ECE1: variants seen among roughly 807,000 people sequenced by gnomAD.
ECE1 encodes the protein endothelin-converting enzyme 1.
Under a neutral mutation model 98.6 loss-of-function variants are expected in ECE1, and 35 were observed. The ratio of observed to expected loss-of-function variants is 0.35; its 90% CI spans 0.27 to 0.47. The LOEUF is 0.47. Among genes scored for constraint, ECE1 ranks in the 20% least tolerant of loss-of-function variants. The probability of loss-of-function intolerance (pLI) is 1.00; values close to 1 mark genes in which losing one functional copy is unlikely to be tolerated. For missense variants in ECE1, 814 were observed against 1,025.3 expected (o/e 0.79, Z 2.81); for synonymous variants, 394 against 407.1 (o/e 0.97, Z 0.39).
At chr1:21,278,758 G>A (rs925352863) in intron 3 of ECE1, among the ~76,000 whole-genome samples, 3 of 152,188 alleles carry the variant, frequency 2.0e-5, no homozygotes, top group African/African-American at 7.2e-5. Flanking sequence ...AGCAGACAAT[G>A]TCAGCCTATG....
In ECE1 at chr1:21,235,064, T is replaced by C. The variant is rs1034024641; in HGVS notation, c.1566+786A>G. Among the ~76,000 whole-genome samples, 1 of 152,142 alleles carries C rather than the reference T, an allele frequency of 6.6e-6. No individual in the cohort carries two copies. The highest frequency in any genetic ancestry group is 1.5e-5 in the Non-Finnish European group (1 of 68,032). On this transcript the variant is annotated intron_variant, in intron 13 of 18. Transcript: ENST00000374893. This position sits in a 1 kb window ranked among gnomAD's most constrained non-coding sequence, Gnocchi z 4.2. ...GGCTGGGCATGGTGGCTCATGAATATGAGCCAGCCTGGGAGGCGGAGGTTG... is the reference window on the plus strand; with the variant it reads ...GGCTGGGCATGGTGGCTCATGAATACGAGCCAGCCTGGGAGGCGGAGGTTG...
At position 21,220,264 on chromosome 1, in the gene ECE1, G is replaced by A. The variant is rs28368052; in HGVS notation, c.2137-133C>T. 2,858 of 1,001,882 alleles carry A rather than the reference G, an allele frequency of 2.9e-3. 103 individuals are homozygous for A. In the East Asian group the frequency reaches 0.071, roughly 25 times the overall value. The allele number at this position is 1,001,882 out of a possible 1,614,324, so 62.1% of individuals were successfully genotyped here. A position where few individuals can be genotyped will look rare whatever the true frequency, so the allele number is the denominator to read the frequency against. ...TAATCCCAGCACTTTGGGAGCCAAG[G>A]TGGAAGGGCTGCTTGAGCCCAGGAG... On this transcript the variant is annotated intron_variant, in intron 18 of 18. Coordinates refer to ENST00000374893, the MANE Select transcript of ECE1 (RefSeq NM_001397.3). This position sits in a 1 kb window ranked among gnomAD's most constrained non-coding sequence, Gnocchi z 5.0.
Position 21,260,379 on chromosome 1 carries a change from G to A in ECE1, c.507C>T (p.Ala169=). The A allele has an allele frequency of 1.2e-6, 2 of 1,614,226 alleles. No homozygotes were observed. The highest frequency in any genetic ancestry group is 1.7e-6 in the Non-Finnish European group (2 of 1,180,050). The change falls in exon 5 of 19, where the codon GCC becomes GCT. Residue 169 remains alanine (A), a synonymous_variant. Coordinates refer to ENST00000374893, the MANE Select transcript of ECE1 (RefSeq NM_001397.3). This position sits in a 1 kb window ranked among gnomAD's most constrained non-coding sequence, Gnocchi z 4.3. ...IIKHLLENST[A]SVSEAERKAQ... is the part of the protein sequence containing the mutation. Reference sequence around the variant, plus strand: ...CCTTTCTCTCTGCCTCGCTCACGCTGGCCGTGGAGTTTTCTGGAACAACAG... The same window carrying A: ...CCTTTCTCTCTGCCTCGCTCACGCTAGCCGTGGAGTTTTCTGGAACAACAG...
chr1:21,241,433 T>C (rs1056146186), intron 10 of ECE1, among the ~76,000 whole-genome samples: 2 of 151,096 alleles, frequency 1.3e-5, no homozygotes, highest in Non-Finnish European at 3.0e-5. Context: ...GTTTTTTTTT[T>C]TTTTTTTGAG....
chr1:21,236,589 C>A (rs537202143), intron 12 of ECE1, among the ~76,000 whole-genome samples, 157 bp downstream of exon 12: 1 of 152,186 alleles, frequency 6.6e-6, no homozygotes, highest in Non-Finnish European at 1.5e-5. Flanking sequence ...GCGGAGGTTG[C>A]GGTGAGCCAA....
At chr1:21,291,947 G>A (rs978033454), upstream of ECE1, among the ~76,000 whole-genome samples, 1 of 149,876 alleles carries the variant, frequency 6.7e-6, no homozygotes, top group African/African-American at 2.5e-5. Flanking sequence ...GGGCAACACG[G>A]ACCCCATCTC....
chr1:21,308,769 C>T (rs905511703), intron 1 of ECE1, among the ~76,000 whole-genome samples: 4 of 152,100 alleles, frequency 2.6e-5, no homozygotes, highest in Admixed American at 6.5e-5. Context: ...GGGGCCTGAG[C>T]GAATGCTGCA....
intron 2 of ECE1, among the ~76,000 whole-genome samples, chr1:21,285,303 A>T (rs1008578276): frequency 1.3e-5 from 2 of 152,170 alleles, no homozygotes; most frequent in African/African-American, 4.8e-5. Context: ...CATGGGAGAA[A>T]GATGGTAACC....
At chr1:21,262,721 T>TTATC (rs971808333) in intron 4 of ECE1, among the ~76,000 whole-genome samples, 5 of 152,160 alleles carry the variant, frequency 3.3e-5, no homozygotes, top group Non-Finnish European at 7.3e-5. Flanking sequence ...AAGCCCCAAA[T>TTATC]TATCACCGGG....
intron 14 of ECE1, among the ~76,000 whole-genome samples, chr1:21,229,187 T>G (rs1435555981): frequency 6.6e-6 from 1 of 152,048 alleles, no homozygotes; most frequent in East Asian, 1.9e-4. Flanking sequence ...AAGACTTTTT[T>G]TTTTTTCTTT....
intron 1 of ECE1, among the ~76,000 whole-genome samples, chr1:21,302,540 G>A (rs146443938): frequency 1.8e-3 from 269 of 152,316 alleles, no homozygotes; most frequent in African/African-American, 6.3e-3. Context: ...TGACTTACAA[G>A]TAAGATAAGG....
At chr1:21,311,781 A>G (rs6673844) in intron 1 of ECE1, among the ~76,000 whole-genome samples, 30,668 of 151,614 alleles carry the variant, frequency 0.2, 3,453 homozygotes, top group Non-Finnish European at 0.25. Flanking sequence ...GTGCCACTGC[A>G]CTCCAGCCTG....
In ECE1 at chr1:21,290,130, C is replaced by T. The variant is rs1204297582; in HGVS notation, c.78G>A (p.Leu26=). ...LGMSTYKRAT[L]DEEDLVDSLS... The stretch of plus-strand genomic sequence containing the variant: ...GCGAGTCCACCAGGTCCTCCTCGTC[C>T]AGCGTGGCCCGCTTGTACGTCGACA... The change falls in exon 2 of 19, where the codon CTG becomes CTA. Residue 26 remains leucine, a synonymous_variant. Transcript: ENST00000374893. The surrounding 1 kb of genome is among the most constrained non-coding windows in gnomAD (Gnocchi z 7.3). The T allele has an allele frequency of 1.2e-5, 19 of 1,562,518 alleles. No homozygotes were observed. Among genetic ancestry groups the T allele is most frequent in the Non-Finnish European group, 1.6e-5 (18 of 1,155,900 alleles).
rs1475060746 is a variant in ECE1 at position 21,220,642 on chromosome 1, CA to C, written c.2137-512del. On this transcript the variant is annotated intron_variant, in intron 18 of 18. Transcript: ENST00000374893. The surrounding 1 kb of genome is among the most constrained non-coding windows in gnomAD (Gnocchi z 5.0). ...TGAAACCCTGTCTCTACTAAAAATACAAAAATTAGATGGGCGTGGTGGTGCG... is the reference window on the plus strand; with the variant it reads ...TGAAACCCTGTCTCTACTAAAAATACAAAATTAGATGGGCGTGGTGGTGCG... Among the ~76,000 whole-genome samples, 1 of 151,994 alleles carries C rather than the reference CA, an allele frequency of 6.6e-6. No individual in the cohort carries two copies. Among genetic ancestry groups the C allele is most frequent in the African/African-American group, 2.4e-5 (1 of 41,394 alleles).
In ECE1 at chr1:21,317,298, C is replaced by T. The variant is rs1470203782; in HGVS notation, c.4-27142G>A. 3.9e-5 allele frequency among the ~76,000 whole-genome samples: 6 copies of T among 152,140 alleles called. No individual in the cohort carries two copies. The East Asian group carries it at 1.2e-3, about 29-fold the overall frequency. On this transcript the variant is annotated intron_variant, in intron 1 of 18. Coordinates refer to the ECE1 transcript ENST00000415912. ...AATCCTATCGCCCACTGTTAGCTCC[C>T]GGGACTCTTCTGAGAATTAAACAAG...
intron 1 of ECE1, among the ~76,000 whole-genome samples, chr1:21,325,815 C>G (rs919656907): frequency 6.6e-6 from 1 of 152,218 alleles, no homozygotes; most frequent in African/African-American, 2.4e-5. Flanking sequence ...CGAGAAGCAA[C>G]GAGAAGGGGC....
intron 1 of ECE1, among the ~76,000 whole-genome samples, chr1:21,296,002 C>A (rs150643840): frequency 2.6e-4 from 39 of 152,238 alleles, no homozygotes; most frequent in African/African-American, 8.9e-4. Context: ...AGAGGGACAT[C>A]CTGCGCAGGC....
chr1:21,245,399 GC>G (rs11344887), intron 9 of ECE1, among the ~76,000 whole-genome samples: 9,563 of 152,222 alleles, frequency 0.063, 865 homozygotes, highest in African/African-American at 0.19. Flanking sequence ...AAGCTATGAA[GC>G]CCCAGCATGG....
chr1:21,259,917 C>A (rs1448896707), intron 5 of ECE1, among the ~76,000 whole-genome samples: 1 of 152,124 alleles, frequency 6.6e-6, no homozygotes, highest in Non-Finnish European at 1.5e-5. Flanking sequence ...ACAAACATAA[C>A]CCCTGAGGAA....
Sources: gnomAD v4.1 joint callset for allele counts (sites outside exome capture counted in the v4.1 genomes callset) on GRCh38, gnomAD v4.1.1 for gene constraint, Gnocchi (gnomAD v3.1) non-coding constraint, MANE v1.5 for transcripts, NCBI Gene and HGNC (gene_info 2026-07-23, HGNC 2026-07-21) for gene names.